Variants in DIP2B observed in about 807,000 individuals in gnomAD.
DIP2B encodes the protein DIP2 acetate--CoA ligase B (putative).
A neutral mutation model predicts 198.0 loss-of-function variants in DIP2B; 76 were observed. That is an observed-to-expected ratio of 0.38 (90% CI 0.32 to 0.46). The LOEUF (loss-of-function observed/expected upper bound fraction) is 0.46. DIP2B is among the 20% of genes least tolerant of loss of function. The pLI is 0.99. For synonymous variants in DIP2B, 701 were observed against 739.1 expected (o/e 0.95, Z 0.84); for missense variants, 1,559 against 1,978.4 (o/e 0.79, Z 4.02).
intron 3 of DIP2B, among the ~76,000 whole-genome samples, chr12:50,654,636 G>C (rs776232287): frequency 3.9e-5 from 6 of 152,076 alleles, no homozygotes; most frequent in Non-Finnish European, 8.8e-5. Context: ...ACAGGTATGA[G>C]TCATCACACC....
intron 12 of DIP2B, 195 bp downstream of exon 12, chr12:50,686,877 T>A: frequency 2.2e-6 from 1 of 459,954 alleles, no homozygotes; most frequent in Non-Finnish European, 3.8e-6. Flanking sequence ...AAGTATACAT[T>A]CAAGAGAATG....
At chr12:50,544,667 G>C (rs1958360128) in intron 1 of DIP2B, among the ~76,000 whole-genome samples, 1 of 148,440 alleles carries the variant, frequency 6.7e-6, no homozygotes, top group Non-Finnish European at 1.5e-5. Flanking sequence ...ACCCAGGCTG[G>C]AGTGCAATGG....
At chr12:50,563,846 C>A (rs1048618307) in intron 1 of DIP2B, among the ~76,000 whole-genome samples, 1 of 151,318 alleles carries the variant, frequency 6.6e-6, no homozygotes. Flanking sequence ...CTTCTTTGAT[C>A]CTTCATTCTT....
intron 1 of DIP2B, among the ~76,000 whole-genome samples, chr12:50,611,508 C>T (rs1371953664): frequency 6.6e-6 from 1 of 152,084 alleles, no homozygotes; most frequent in African/African-American, 2.4e-5. Flanking sequence ...AAAATAGTAA[C>T]CACCAGCTAG....
rs189123099 is a variant in DIP2B, at chr12:50,733,689, A to G, written c.3982-446A>G. Among the ~76,000 whole-genome samples the G allele has an allele frequency of 3.5e-3, 526 of 152,350 alleles. 7 individuals are homozygous for G. Among genetic ancestry groups the G allele is most frequent in the Admixed American group, 0.032 (493 of 15,296 alleles). On this transcript the variant is annotated intron_variant, in intron 32 of 37. Coordinates refer to ENST00000301180, the MANE Select transcript of DIP2B (RefSeq NM_173602.3). The stretch of plus-strand genomic sequence containing the variant: ...GCTGCACTCCAGCAACCTGGGCAAC[A>G]GATTGAGACCCTGTCTCTTAAAAAA...
intron 35 of DIP2B, among the ~76,000 whole-genome samples, chr12:50,738,864 C>T (rs1452967464): frequency 6.6e-6 from 1 of 152,230 alleles, no homozygotes; most frequent in Non-Finnish European, 1.5e-5. Context: ...GTATTAACAC[C>T]TGCATCTGTA....
intron 1 of DIP2B, among the ~76,000 whole-genome samples, chr12:50,579,601 G>A (rs1280878672): frequency 9.9e-6 from 1 of 101,060 alleles, no homozygotes; most frequent in African/African-American, 4.0e-5. Context: ...GATAGAGTGA[G>A]ACTCCGTCTC....
rs778508987 is a variant in DIP2B, at chr12:50,711,746, G to T, written c.2650-2649G>T. ...CCAGCTAATTTTTGTATTTTTACTAGACGGGGTTTCACCACGCTGGCCAGG... is the reference window on the plus strand; with the variant it reads ...CCAGCTAATTTTTGTATTTTTACTATACGGGGTTTCACCACGCTGGCCAGG... On this transcript the variant is annotated intron_variant, in intron 22 of 37. Coordinates refer to ENST00000301180, the MANE Select transcript of DIP2B (RefSeq NM_173602.3). Among the ~76,000 whole-genome samples, 65 of 152,284 alleles carry T rather than the reference G, an allele frequency of 4.3e-4. 1 individual carries two copies. The highest frequency in any genetic ancestry group is 6.2e-4 in the South Asian group (3 of 4,826).
chr12:50,507,527 G>C (rs1307867322), intron 1 of DIP2B, among the ~76,000 whole-genome samples: 2 of 152,100 alleles, frequency 1.3e-5, no homozygotes, highest in Non-Finnish European at 2.9e-5. Context: ...TAAGTACTTT[G>C]TCTTTTTTTG....
At chr12:50,704,310 A>G (rs1212842634) in intron 20 of DIP2B, 90 bp downstream of exon 20, 1 of 1,202,582 alleles carries the variant, frequency 8.3e-7, no homozygotes, top group Admixed American at 2.5e-5. Flanking sequence ...GATTAGTCCA[A>G]GAGTGTTACA....
At chr12:50,651,497 T>C (rs1240038335) in intron 3 of DIP2B, among the ~76,000 whole-genome samples, 2 of 152,186 alleles carry the variant, frequency 1.3e-5, no homozygotes, top group Non-Finnish European at 2.9e-5. Flanking sequence ...TTGAGTCAAT[T>C]TTTGTATATC....
intron 3 of DIP2B, among the ~76,000 whole-genome samples, chr12:50,654,030 C>T (rs1475752811): frequency 6.6e-6 from 1 of 152,026 alleles, no homozygotes; most frequent in African/African-American, 2.4e-5. Context: ...CACGCTACCA[C>T]ACCTGGCTAC....
intron 4 of DIP2B, among the ~76,000 whole-genome samples, chr12:50,666,417 C>T (rs1938753500): frequency 6.6e-6 from 1 of 152,088 alleles, no homozygotes; most frequent in Non-Finnish European, 1.5e-5. Context: ...GTTAGATAAC[C>T]TGAAAATTAT....
chr12:50,598,349 AG>A (rs1341010026), intron 1 of DIP2B, among the ~76,000 whole-genome samples: 5 of 152,136 alleles, frequency 3.3e-5, no homozygotes, highest in Non-Finnish European at 7.4e-5. Flanking sequence ...TTACACCCTT[AG>A]GGAGAATCTT....
At chr12:50,599,307 A>T (rs529296838) in intron 1 of DIP2B, among the ~76,000 whole-genome samples, 1 of 151,474 alleles carries the variant, frequency 6.6e-6, no homozygotes, top group Admixed American at 6.6e-5. Flanking sequence ...AAAAAAAAAA[A>T]AATTAAAATT....
At chr12:50,737,886 C>A (rs1260312002) in intron 35 of DIP2B, among the ~76,000 whole-genome samples, 1 of 152,152 alleles carries the variant, frequency 6.6e-6, no homozygotes, top group Admixed American at 6.5e-5. Flanking sequence ...CCATGCCCAG[C>A]CTCCCCAAAT....
At chr12:50,726,592 C>G (rs769884939) in intron 28 of DIP2B, among the ~76,000 whole-genome samples, 7 of 151,964 alleles carry the variant, frequency 4.6e-5, no homozygotes, top group Non-Finnish European at 8.8e-5. Context: ...CTCAAGTGGT[C>G]TACCTGCCTC....
chr12:50,571,701 T>C (rs1958616529), intron 1 of DIP2B, among the ~76,000 whole-genome samples: 1 of 151,988 alleles, frequency 6.6e-6, no homozygotes, highest in African/African-American at 2.4e-5. Context: ...TACAGGCGTG[T>C]GCCACCACGC....
chr12:50,558,876 G>C (rs1195820398), intron 1 of DIP2B, among the ~76,000 whole-genome samples: 1 of 152,182 alleles, frequency 6.6e-6, no homozygotes, highest in Non-Finnish European at 1.5e-5. Flanking sequence ...GTTGCAAAGA[G>C]AAGGATTCAC....
Sources: gnomAD v4.1 joint callset for allele counts (sites outside exome capture counted in the v4.1 genomes callset) on GRCh38, gnomAD v4.1.1 for gene constraint, MANE v1.5 for transcripts, NCBI Gene and HGNC (gene_info 2026-07-23, HGNC 2026-07-21) for gene names.